Variants in SMIM36 observed in about 807,000 individuals in gnomAD.
SMIM36 encodes the protein small integral membrane protein 36.
intron 4 of SMIM36, among the ~76,000 whole-genome samples, chr17:55,456,177 C>T (rs1467272674): frequency 1.3e-5 from 2 of 149,366 alleles, no homozygotes; most frequent in Admixed American, 6.7e-5. Context: ...AAGTCCATAT[C>T]CCTCATCAGG....
At chr17:55,467,626 G>C (rs1169416385) in intron 3 of SMIM36, among the ~76,000 whole-genome samples, 1 of 152,114 alleles carries the variant, frequency 6.6e-6, no homozygotes, top group South Asian at 2.1e-4. Context: ...TCGATCTCCT[G>C]ACCTCGTGAT....
intron 4 of SMIM36, among the ~76,000 whole-genome samples, chr17:55,451,265 C>T (rs113700589): frequency 1.7e-4 from 26 of 152,168 alleles, no homozygotes; most frequent in Non-Finnish European, 3.2e-4. Context: ...ATCCAATACT[C>T]GCACCTTCTC....
intron 4 of SMIM36, among the ~76,000 whole-genome samples, chr17:55,451,749 CTCTT>C: frequency 6.6e-6 from 1 of 152,122 alleles, no homozygotes; most frequent in Admixed American, 6.5e-5. Context: ...AGATTTAAGA[CTCTT>C]TCTTTCCTCC....
intron 4 of SMIM36, among the ~76,000 whole-genome samples, chr17:55,455,278 C>T (rs904523659): frequency 3.3e-5 from 5 of 152,148 alleles, no homozygotes; most frequent in African/African-American, 9.7e-5. Flanking sequence ...AAATCCTCAT[C>T]TGGTCTCCGA....
the SMIM36 span, among the ~76,000 whole-genome samples, chr17:55,525,983 T>C: frequency 3.7e-3 from 509 of 137,812 alleles, 5 homozygotes; most frequent in African/African-American, 0.012. Context: ...TTTGTTTTGA[T>C]TTGGGAAAAC....
At chr17:55,497,704 C>T (rs979123106) in intron 1 of SMIM36, among the ~76,000 whole-genome samples, 3 of 152,176 alleles carry the variant, frequency 2.0e-5, no homozygotes, top group South Asian at 2.1e-4. Context: ...CTAAAACAAA[C>T]GAACAAACAA....
chr17:55,452,460 G>A (rs1048281566), intron 4 of SMIM36, among the ~76,000 whole-genome samples: 4 of 152,276 alleles, frequency 2.6e-5, no homozygotes, highest in African/African-American at 9.6e-5. Context: ...GAGAGGTGGG[G>A]GATTATGACC....
chr17:55,518,975 G>T, the SMIM36 span, among the ~76,000 whole-genome samples: 1 of 150,186 alleles, frequency 6.7e-6, no homozygotes, highest in Non-Finnish European at 1.5e-5. Flanking sequence ...TATGAGGTTT[G>T]TTTCATCTGA....
At chr17:55,525,538 C>G in the SMIM36 span, among the ~76,000 whole-genome samples, 1 of 152,140 alleles carries the variant, frequency 6.6e-6, no homozygotes, top group African/African-American at 2.4e-5. Context: ...TACAAATCTT[C>G]CTAAGATTTA....
exon 1 of SMIM36, chr17:55,511,290 G>T: frequency 5.0e-6 from 2 of 398,700 alleles, no homozygotes; most frequent in South Asian, 2.6e-4. Context: ...CAACTAGGAT[G>T]ATCAGGTTCA....
At chr17:55,464,381 C>T (rs1320600182) in intron 4 of SMIM36, among the ~76,000 whole-genome samples, 1 of 152,066 alleles carries the variant, frequency 6.6e-6, no homozygotes, top group African/African-American at 2.4e-5. Context: ...GGGTCAGTTC[C>T]CATTCAGTGC....
upstream of SMIM36, among the ~76,000 whole-genome samples, chr17:55,516,324 G>A (rs1369514125): frequency 2.0e-5 from 3 of 152,146 alleles, no homozygotes; most frequent in Non-Finnish European, 2.9e-5. Context: ...TTGACTCTCA[G>A]GAGAGACACA....
intron 4 of SMIM36, among the ~76,000 whole-genome samples, chr17:55,466,140 G>A (rs536153214): frequency 2.0e-5 from 3 of 152,082 alleles, no homozygotes; most frequent in Admixed American, 1.3e-4. Context: ...AGCCTGGCAT[G>A]GTGGCGGGCA....
intron 3 of SMIM36, 121 bp from the exon 4 acceptor site, chr17:55,467,449 T>C (rs1227993987): frequency 1.3e-5 from 2 of 152,184 alleles, no homozygotes; most frequent in Non-Finnish European, 2.9e-5. Context: ...CAGGCTCTAG[T>C]GCAGTGGCGT....
chr17:55,456,806 T>G (rs76076103), intron 4 of SMIM36, among the ~76,000 whole-genome samples: 5,376 of 152,264 alleles, frequency 0.035, 277 homozygotes, highest in African/African-American at 0.11. Context: ...TGGGACTTAA[T>G]TATAAGTTTC....
At chr17:55,481,211 C>T (rs1909515857) in intron 1 of SMIM36, among the ~76,000 whole-genome samples, 1 of 152,054 alleles carries the variant, frequency 6.6e-6, no homozygotes, top group South Asian at 2.1e-4. Context: ...TCCTCTTAGA[C>T]TCATACTCAG....
chr17:55,493,036 A>G (rs1909740600), intron 1 of SMIM36, among the ~76,000 whole-genome samples: 1 of 152,166 alleles, frequency 6.6e-6, no homozygotes, highest in South Asian at 2.1e-4. Flanking sequence ...ATGTTAGCAA[A>G]TGGGGTGTGT....
intron 4 of SMIM36, among the ~76,000 whole-genome samples, chr17:55,460,383 G>T (rs1056458784): frequency 6.6e-6 from 1 of 151,336 alleles, no homozygotes; most frequent in Non-Finnish European, 1.5e-5. Context: ...ACCCTAGATT[G>T]TGCCACTGCA....
At chr17:55,495,964 T>C (rs1345988554) in intron 1 of SMIM36, among the ~76,000 whole-genome samples, 2 of 152,336 alleles carry the variant, frequency 1.3e-5, no homozygotes, top group Admixed American at 6.5e-5. Context: ...CTTTGGCCCC[T>C]GGATCTTCTG....
Sources: gnomAD v4.1 joint callset for allele counts (sites outside exome capture counted in the v4.1 genomes callset) on GRCh38, gnomAD v4.1.1 for gene constraint, MANE v1.5 for transcripts, NCBI Gene and HGNC (gene_info 2026-07-23, HGNC 2026-07-21) for gene names.